The following TPTE variants were observed in gnomAD, a reference collection of about 807,000 sequenced individuals.
TPTE encodes transmembrane phosphatase with tensin homology, also known as putative tyrosine-protein phosphatase TPTE.
A neutral mutation model predicts 84.1 loss-of-function variants in TPTE; 59 were observed. The observed-to-expected ratio is 0.70, with a 90% CI of 0.57 to 0.87. The LOEUF (loss-of-function observed/expected upper bound fraction) is 0.87, where lower values mean the gene tolerates loss of function less well. TPTE is among the 40% of genes least tolerant of loss of function. The pLI is 0.00. For synonymous variants in TPTE, 130 were observed against 223.5 expected (o/e 0.58, Z 3.73); for missense variants, 382 against 659.6 (o/e 0.58, Z 4.61).
chr21:10,601,585 T>A (rs1288102834), intron 21 of TPTE, among the ~76,000 whole-genome samples: 1 of 152,302 alleles, frequency 6.6e-6, no homozygotes, highest in East Asian at 1.9e-4. Context: ...CCAGGTGCAG[T>A]GGCTCATGCC....
chr21:10,596,270 C>T (rs1260042766), intron 20 of TPTE, among the ~76,000 whole-genome samples, 183 bp downstream of exon 20: 1 of 152,308 alleles, frequency 6.6e-6, no homozygotes, highest in African/African-American at 2.4e-5. Flanking sequence ...TGATTGCCAG[C>T]CCTTAGATGT....
intron 7 of TPTE, among the ~76,000 whole-genome samples, chr21:10,550,790 G>T (rs1220749542): frequency 1.3e-5 from 2 of 152,310 alleles, no homozygotes; most frequent in Non-Finnish European, 2.9e-5. Context: ...CCTAACAGCT[G>T]CAGAATACAC....
intron 9 of TPTE, among the ~76,000 whole-genome samples, chr21:10,559,966 GA>G (rs2074763326): frequency 1.3e-5 from 2 of 151,682 alleles, no homozygotes; most frequent in Non-Finnish European, 2.9e-5. Context: ...ACTTCAATGA[GA>G]AATACTGAAA....
chr21:10,579,693 C>T (rs1229079515), intron 17 of TPTE, among the ~76,000 whole-genome samples: 1 of 152,312 alleles, frequency 6.6e-6, no homozygotes, highest in Non-Finnish European at 1.5e-5. Context: ...CAGGTTCGTC[C>T]ATATTATCTC....
intron 13 of TPTE, 115 bp from the exon 14 acceptor site, chr21:10,570,370 T>C (rs563443809): frequency 2.6e-6 from 4 of 1,558,290 alleles, no homozygotes; most frequent in Admixed American, 1.9e-5. Flanking sequence ...TCAACCTCAA[T>C]CTTAAAAGGT....
At position 10,542,326 on chromosome 21, in the gene TPTE, G is replaced by C. The variant is rs557610111; in HGVS notation, c.66-69G>C. ...TGGTTTCTGTCTAGAGTAATGAAAGGTAATTTTTCCAAAATATAAATTCAG... is the reference window on the plus strand; with the variant it reads ...TGGTTTCTGTCTAGAGTAATGAAAGCTAATTTTTCCAAAATATAAATTCAG... On this transcript the variant is annotated intron_variant, in intron 5 of 23. Transcript: ENST00000618007. 1.8e-5 allele frequency: 29 copies of C among 1,576,252 alleles called. No homozygotes were observed. The Admixed American group carries it at 4.4e-4, about 24-fold the overall frequency.
intron 21 of TPTE, among the ~76,000 whole-genome samples, chr21:10,598,805 C>T (rs1332514376): frequency 9.1e-4 from 139 of 152,088 alleles, no homozygotes; most frequent in Non-Finnish European, 1.8e-3. Flanking sequence ...AGAATTCCTA[C>T]CCAGGCCTTT....
chr21:10,540,220 C>T (rs2074343094), intron 4 of TPTE, among the ~76,000 whole-genome samples: 1 of 152,310 alleles, frequency 6.6e-6, no homozygotes, highest in South Asian at 2.1e-4. Context: ...TACAGTTATA[C>T]ATGTGTCTAT....
At chr21:10,547,837 C>T (rs1248933169) in intron 7 of TPTE, among the ~76,000 whole-genome samples, 1 of 152,308 alleles carries the variant, frequency 6.6e-6, no homozygotes, top group South Asian at 2.1e-4. Context: ...ACCACACTTC[C>T]AGACAGAGGA....
At chr21:10,582,398 T>C (rs1232288737) in intron 17 of TPTE, among the ~76,000 whole-genome samples, 1 of 152,310 alleles carries the variant, frequency 6.6e-6, no homozygotes, top group Non-Finnish European at 1.5e-5. Context: ...TATAATGTGG[T>C]TTGATAAAGG....
At chr21:10,529,461 T>C (rs1351542113) in intron 3 of TPTE, among the ~76,000 whole-genome samples, 3 of 152,308 alleles carry the variant, frequency 2.0e-5, no homozygotes. Flanking sequence ...ACTGTGAGAT[T>C]AAAATGTCTG....
chr21:10,571,961 TGCCAC>T (rs1379962525), intron 14 of TPTE, among the ~76,000 whole-genome samples: 37 of 152,234 alleles, frequency 2.4e-4, no homozygotes, highest in African/African-American at 8.7e-4. Context: ...GCCAAGATTG[TGCCAC>T]TGCACTCCAG....
chr21:10,589,215 C>T (rs1481377536), intron 17 of TPTE, among the ~76,000 whole-genome samples: 3 of 152,294 alleles, frequency 2.0e-5, no homozygotes, highest in Admixed American at 6.5e-5. Flanking sequence ...TTTCCCTTCT[C>T]CCTAGAGGGT....
At chr21:10,596,534 T>C (rs80355916) in intron 20 of TPTE, among the ~76,000 whole-genome samples, 1 of 152,310 alleles carries the variant, frequency 6.6e-6, no homozygotes, top group Admixed American at 6.5e-5. Flanking sequence ...GCATTTTTTT[T>C]CTCATCACCC....
intron 3 of TPTE, among the ~76,000 whole-genome samples, chr21:10,532,118 A>AT (rs1247374514): frequency 6.6e-6 from 1 of 152,304 alleles, no homozygotes; most frequent in Non-Finnish European, 1.5e-5. Flanking sequence ...ATTCTAAAAA[A>AT]TTTTGAAAAA....
At chr21:10,553,883 A>C (rs867586363) in intron 8 of TPTE, among the ~76,000 whole-genome samples, 41 of 152,276 alleles carry the variant, frequency 2.7e-4, no homozygotes, top group Non-Finnish European at 2.8e-4. Context: ...TTAGTAATAA[A>C]ATGAAAATAA....
chr21:10,563,926 C>A (rs1430855443), intron 10 of TPTE, among the ~76,000 whole-genome samples: 2 of 152,310 alleles, frequency 1.3e-5, no homozygotes, highest in Non-Finnish European at 1.5e-5. Context: ...GAGGCCAAGG[C>A]AGGCAGATCA....
rs2074952982 is a variant in TPTE at position 10,567,681 on chromosome 21, A to AT, written c.463dup (p.Ser155PhefsTer2). ...GTTTTATATTACAGGAGACAGCAGT[A>AT]TTTTTCTGACTTATTTAACATTTTA... is the stretch of plus-strand genomic sequence containing the variant. On this transcript the variant is annotated frameshift_variant, in exon 11 of 24. Transcript: ENST00000618007. LOFTEE classifies it high-confidence loss of function. 4 of 1,613,364 alleles carry AT rather than the reference A, an allele frequency of 2.5e-6. No individual in the cohort carries two copies. In the East Asian group the frequency reaches 8.9e-5, roughly 36 times the overall value.
At chr21:10,591,981 G>A (rs370611627) in intron 18 of TPTE, among the ~76,000 whole-genome samples, 2 of 152,308 alleles carry the variant, frequency 1.3e-5, no homozygotes, top group Non-Finnish European at 2.9e-5. Flanking sequence ...TGGCCAACAT[G>A]GTGAAACCCC....
Sources: allele counts gnomAD v4.1 joint callset (sites outside exome capture counted in the v4.1 genomes callset), GRCh38; gene constraint gnomAD v4.1.1; transcripts MANE v1.5; gene names NCBI Gene and HGNC (gene_info 2026-07-23, HGNC 2026-07-21).